TMEM229B: variants seen among roughly 807,000 people sequenced by gnomAD.
TMEM229B encodes the protein chromosome 14 open reading frame 83.
In TMEM229B, 6 loss-of-function variants were observed where a neutral mutation model predicts 13.7. The ratio of observed to expected loss-of-function variants is 0.44; its 90% CI spans 0.24 to 0.86. The LOEUF is 0.86. TMEM229B is among the 40% of genes least tolerant of loss of function. The probability of loss-of-function intolerance (pLI) is 0.23; values close to 1 mark genes in which losing one functional copy is unlikely to be tolerated. For missense variants in TMEM229B, 170 were observed against 236.0 expected, an observed-to-expected ratio of 0.72 and a Z score of 1.83; for synonymous variants, 107 against 102.1, an observed-to-expected ratio of 1.05 and a Z score of -0.29.
intron 1 of TMEM229B, among the ~76,000 whole-genome samples, chr14:67,496,125 G>C (rs904760993): frequency 6.6e-6 from 1 of 152,218 alleles, no homozygotes; most frequent in Non-Finnish European, 1.5e-5. Context: ...GGAGGGCAAA[G>C]CTGCAGTGAG....
At chr14:67,486,584 T>G (rs1468444140) in intron 2 of TMEM229B, among the ~76,000 whole-genome samples, 2 of 152,146 alleles carry the variant, frequency 1.3e-5, no homozygotes, top group Non-Finnish European at 2.9e-5. Context: ...ATCTGATGGT[T>G]TTATAAGGGA....
At chr14:67,514,822 C>T (rs1318219342) in intron 1 of TMEM229B, among the ~76,000 whole-genome samples, 1 of 152,206 alleles carries the variant, frequency 6.6e-6, no homozygotes, top group Non-Finnish European at 1.5e-5. Context: ...CCCAACACGC[C>T]CCCCTGTGCG....
chr14:67,473,053 C>G lies in TMEM229B; in HGVS notation c.*367G>C, dbSNP rs79687340. 1.5e-3 allele frequency: 369 copies of G among 248,244 alleles called. 1 individual carries two copies. Among genetic ancestry groups the G allele is most frequent in the African/African-American group, 7.7e-3 (347 of 45,102 alleles). The allele number at this position is 248,244 out of a possible 1,614,324, so 15.4% of individuals were successfully genotyped here. A position where few individuals can be genotyped will look rare whatever the true frequency, so the allele number is the denominator to read the frequency against. ...CCAGATCGGAGGGAGGGAGGTCAGG[C>G]CTTGCCTCCCACCTGCGGCCCCATT... On this transcript the variant is annotated 3_prime_UTR_variant, in exon 3 of 3. Transcript: ENST00000554480. This position sits in a 1 kb window ranked among gnomAD's most constrained non-coding sequence, Gnocchi z 6.5.
At chr14:67,476,005 G>A (rs758019266) in intron 2 of TMEM229B, among the ~76,000 whole-genome samples, 1 of 152,238 alleles carries the variant, frequency 6.6e-6, no homozygotes, top group Non-Finnish European at 1.5e-5. Flanking sequence ...TCCTGTTCAT[G>A]TGGAGGGAGG....
intron 2 of TMEM229B, among the ~76,000 whole-genome samples, chr14:67,486,425 C>A (rs916501161): frequency 6.6e-6 from 1 of 152,226 alleles, no homozygotes; most frequent in Non-Finnish European, 1.5e-5. Context: ...CAGGTGCATG[C>A]CACAATGCCC....
chr14:67,510,068 G>C (rs1353175243), intron 1 of TMEM229B, among the ~76,000 whole-genome samples: 1 of 152,034 alleles, frequency 6.6e-6, no homozygotes, highest in African/African-American at 2.4e-5. Context: ...TCAAATCCCA[G>C]TTTAGACACT....
intron 1 of TMEM229B, among the ~76,000 whole-genome samples, chr14:67,501,015 T>C (rs1033982819): frequency 1.3e-5 from 2 of 149,762 alleles, no homozygotes; most frequent in African/African-American, 4.9e-5. Flanking sequence ...CATCCAGGTA[T>C]AGAAAATGCC....
At chr14:67,478,649 G>A (rs141699627) in intron 2 of TMEM229B, among the ~76,000 whole-genome samples, 5 of 152,276 alleles carry the variant, frequency 3.3e-5, no homozygotes, top group Admixed American at 3.3e-4. Context: ...TTCACAACTC[G>A]TCCCTGCCTC....
At chr14:67,483,742 A>G (rs2031723435) in intron 2 of TMEM229B, among the ~76,000 whole-genome samples, 1 of 152,190 alleles carries the variant, frequency 6.6e-6, no homozygotes, top group African/African-American at 2.4e-5. Context: ...AGCCCACACC[A>G]GTGCTCCTGG....
intron 1 of TMEM229B, among the ~76,000 whole-genome samples, chr14:67,526,421 G>A (rs2033368570): frequency 6.6e-6 from 1 of 152,250 alleles, no homozygotes; most frequent in Non-Finnish European, 1.5e-5. Flanking sequence ...GCTGCTTTTG[G>A]TCTTGTGCTT....
chr14:67,479,611 G>A (rs1014594056), intron 2 of TMEM229B, among the ~76,000 whole-genome samples: 7 of 152,020 alleles, frequency 4.6e-5, no homozygotes, highest in Non-Finnish European at 1.0e-4. Flanking sequence ...CCAGCTACTC[G>A]GGAGGCTGAG....
At chr14:67,479,056 A>T (rs148421505) in intron 2 of TMEM229B, among the ~76,000 whole-genome samples, 1 of 152,320 alleles carries the variant, frequency 6.6e-6, no homozygotes, top group East Asian at 1.9e-4. Flanking sequence ...ATTTTTCTGC[A>T]TACTTTTTTT....
upstream of TMEM229B, among the ~76,000 whole-genome samples, chr14:67,516,973 A>G (rs530178697): frequency 6.6e-6 from 1 of 152,240 alleles, no homozygotes; most frequent in South Asian, 2.1e-4. Context: ...TAGTATAATG[A>G]CCCAAGGACA....
At chr14:67,506,587 A>G (rs1372071870) in intron 1 of TMEM229B, among the ~76,000 whole-genome samples, 1 of 152,206 alleles carries the variant, frequency 6.6e-6, no homozygotes, top group Non-Finnish European at 1.5e-5. Context: ...GTAGGGATGG[A>G]AAATATTGGT....
At chr14:67,490,830 A>T (rs145920290), upstream of TMEM229B, among the ~76,000 whole-genome samples, 1 of 152,068 alleles carries the variant, frequency 6.6e-6, no homozygotes, top group African/African-American at 2.4e-5. Flanking sequence ...AAGGAAAAAA[A>T]GTTTTTTCCT....
upstream of TMEM229B, among the ~76,000 whole-genome samples, chr14:67,489,351 G>T (rs1180774500): frequency 6.6e-6 from 1 of 152,074 alleles, no homozygotes; most frequent in Non-Finnish European, 1.5e-5. Flanking sequence ...CATCCTTAAG[G>T]CACATGTCTG....
chr14:67,518,283 G>T (rs11627207), upstream of TMEM229B, among the ~76,000 whole-genome samples: 60,426 of 152,110 alleles, frequency 0.4, 13,054 homozygotes, highest in East Asian at 0.49. Context: ...TTTGAGTTCA[G>T]ACTCTCCATC....
At chr14:67,481,075 G>C (rs1487441237) in intron 2 of TMEM229B, among the ~76,000 whole-genome samples, 1 of 152,166 alleles carries the variant, frequency 6.6e-6, no homozygotes, top group East Asian at 1.9e-4. Flanking sequence ...AGAATAGCTT[G>C]AGGCCAGGAG....
chr14:67,473,375 C>T lies in TMEM229B; in HGVS notation c.*45G>A. 1 of 1,593,562 alleles carries T rather than the reference C, an allele frequency of 6.3e-7. No individual in the cohort carries two copies. Among genetic ancestry groups the T allele is most frequent in the South Asian group, 1.1e-5 (1 of 87,182 alleles). On this transcript the variant is annotated 3_prime_UTR_variant, in exon 3 of 3. Transcript: ENST00000554480. This position sits in a 1 kb window ranked among gnomAD's most constrained non-coding sequence, Gnocchi z 6.5. ...ACCTCACCAGCTTGGTCTCTTTGTC[C>T]ATGAGTTCCATGAGAGATCCCCAGG...
Sources: gnomAD v4.1 joint callset for allele counts (sites outside exome capture counted in the v4.1 genomes callset) on GRCh38, gnomAD v4.1.1 for gene constraint, Gnocchi (gnomAD v3.1) non-coding constraint, MANE v1.5 for transcripts, NCBI Gene and HGNC (gene_info 2026-07-23, HGNC 2026-07-21) for gene names.